The following PEPD variants were observed in gnomAD, a reference collection of about 807,000 sequenced individuals.
The protein encoded by PEPD is peptidase D, also known as xaa-Pro dipeptidase.
In PEPD, 53 loss-of-function variants were observed where a neutral mutation model predicts 60.7. The ratio of observed to expected loss-of-function variants is 0.87; its 90% CI spans 0.70 to 1.10. The LOEUF is 1.10. PEPD is among the 50% of genes least tolerant of loss of function. The pLI is 0.00. For missense variants in PEPD, 711 were observed against 711.9 expected (o/e 1.00, Z 0.01); for synonymous variants, 267 against 284.1 (o/e 0.94, Z 0.60).
Position 33,401,874 on chromosome 19 carries a change from GGA to G in PEPD, c.819-7_819-6del. The G allele has an allele frequency of 6.2e-7, 1 of 1,612,786 alleles. No individual in the cohort carries two copies. On this transcript the variant is annotated splice_region_variant and splice_polypyrimidine_tract_variant and intron_variant, in intron 11 of 14. Transcript: ENST00000244137. ...TCACCGCCCATGTCGAACAGGCTGC[GGA>G]GAGAGGAAGGCAGGGCAAGTGGGTA...
chr19:33,512,798 C>A, intron 1 of PEPD, 22 bp from the exon 2 acceptor site: 1 of 1,613,348 alleles, frequency 6.2e-7, no homozygotes, highest in Non-Finnish European at 8.5e-7. Flanking sequence ...AGAGCACACA[C>A]CGCCACACAG....
chr19:33,484,430 G>A (rs1214402974), intron 6 of PEPD, among the ~76,000 whole-genome samples: 1 of 152,124 alleles, frequency 6.6e-6, no homozygotes, highest in East Asian at 1.9e-4. Flanking sequence ...TCAGCACATA[G>A]ACACAGATGC....
chr19:33,407,766 C>A (rs1391041079), intron 11 of PEPD, among the ~76,000 whole-genome samples: 1 of 152,216 alleles, frequency 6.6e-6, no homozygotes, highest in Non-Finnish European at 1.5e-5. Context: ...ACTCTGAGAA[C>A]AACAGCAAAA....
chr19:33,487,836 G>T (rs1369149209), intron 6 of PEPD, among the ~76,000 whole-genome samples: 2 of 152,120 alleles, frequency 1.3e-5, no homozygotes, highest in African/African-American at 4.8e-5. Context: ...GGACTGGGGG[G>T]CAACAGGTGA....
At chr19:33,427,252 G>A (rs1368832767) in intron 9 of PEPD, among the ~76,000 whole-genome samples, 1 of 152,204 alleles carries the variant, frequency 6.6e-6, no homozygotes, top group Non-Finnish European at 1.5e-5. Flanking sequence ...GGCGGAGGCT[G>A]TCGTGGCTCA....
At chr19:33,507,520 C>T (rs984320849) in intron 3 of PEPD, among the ~76,000 whole-genome samples, 3 of 152,182 alleles carry the variant, frequency 2.0e-5, no homozygotes, top group African/African-American at 7.2e-5. Context: ...CAGGAAGCGG[C>T]AGATCCTGCA....
At chr19:33,482,734 A>G (rs971549916) in intron 6 of PEPD, among the ~76,000 whole-genome samples, 1 of 152,248 alleles carries the variant, frequency 6.6e-6, no homozygotes, top group African/African-American at 2.4e-5. Context: ...CATTACTCAG[A>G]ACAGCCAAAA....
At chr19:33,465,340 G>A (rs1424363284) in intron 7 of PEPD, among the ~76,000 whole-genome samples, 1 of 152,108 alleles carries the variant, frequency 6.6e-6, no homozygotes, top group African/African-American at 2.4e-5. Context: ...GCAGGCAAAC[G>A]CAGCTTCCCT....
At chr19:33,515,108 G>C (rs1445017189) in intron 1 of PEPD, among the ~76,000 whole-genome samples, 2 of 152,320 alleles carry the variant, frequency 1.3e-5, no homozygotes, top group South Asian at 2.1e-4. Flanking sequence ...GGTTGCCTCG[G>C]TCACTGCCGT....
intron 9 of PEPD, among the ~76,000 whole-genome samples, chr19:33,414,660 C>T (rs1292008756): frequency 6.6e-5 from 10 of 151,914 alleles, no homozygotes; most frequent in African/African-American, 4.8e-5. Flanking sequence ...CTGCCCTGCA[C>T]GTTCCAGGCC....
chr19:33,515,536 C>T (rs1327785938), intron 1 of PEPD, among the ~76,000 whole-genome samples: 1 of 152,130 alleles, frequency 6.6e-6, no homozygotes, highest in Non-Finnish European at 1.5e-5. Flanking sequence ...GTCACCAGCA[C>T]CTTGTGCTCG....
chr19:33,425,004 C>T (rs2145386609), intron 9 of PEPD, among the ~76,000 whole-genome samples: 1 of 150,778 alleles, frequency 6.6e-6, no homozygotes, highest in Middle Eastern at 3.4e-3. Context: ...AAACAAACAA[C>T]AACAACAATA....
intron 9 of PEPD, among the ~76,000 whole-genome samples, chr19:33,459,643 G>A (rs1969889956): frequency 6.6e-6 from 1 of 151,590 alleles, no homozygotes; most frequent in African/African-American, 2.4e-5. Flanking sequence ...CATGAGGGAG[G>A]AGTCTTCATA....
chr19:33,429,688 C>G (rs1160813770), intron 9 of PEPD, among the ~76,000 whole-genome samples: 2 of 152,070 alleles, frequency 1.3e-5, no homozygotes, highest in African/African-American at 4.8e-5. Context: ...AGGAAAGGAC[C>G]AACATGACAA....
chr19:33,467,993 G>A (rs76425706), intron 7 of PEPD, among the ~76,000 whole-genome samples: 6 of 152,294 alleles, frequency 3.9e-5, no homozygotes, highest in African/African-American at 1.4e-4. Flanking sequence ...GATACAGCGC[G>A]AGTAAACACA....
intron 12 of PEPD, among the ~76,000 whole-genome samples, chr19:33,398,174 C>T (rs1271900613): frequency 6.6e-6 from 1 of 152,256 alleles, no homozygotes; most frequent in Admixed American, 6.5e-5. Flanking sequence ...CTCTGGCACC[C>T]TGATGGGCCC....
chr19:33,491,706 A>G lies in PEPD; in HGVS notation c.441+1584T>C, dbSNP rs529373972. 8.1e-4 allele frequency among the ~76,000 whole-genome samples: 123 copies of G among 152,282 alleles called. 1 individual carries two copies. The highest frequency in any genetic ancestry group is 2.8e-3 in the African/African-American group (115 of 41,536). On this transcript the variant is annotated intron_variant, in intron 5 of 14. Transcript: ENST00000244137. ...TTGGCTAGCAACTTAGAACTTTTTA[A>G]AAGAGGCAAAGGTAGAGGGGGAGAA...
At chr19:33,457,529 T>C (rs1005577662) in intron 9 of PEPD, among the ~76,000 whole-genome samples, 7 of 152,184 alleles carry the variant, frequency 4.6e-5, no homozygotes, top group Non-Finnish European at 1.0e-4. Context: ...TCTTTTTTAT[T>C]TACTTATTTT....
chr19:33,480,730 G>T (rs1234410901), intron 6 of PEPD, among the ~76,000 whole-genome samples: 1 of 152,176 alleles, frequency 6.6e-6, no homozygotes, highest in African/African-American at 2.4e-5. Flanking sequence ...AGGAGGCGGA[G>T]ATTGCAGTGA....
Sources: allele counts gnomAD v4.1 joint callset (sites outside exome capture counted in the v4.1 genomes callset), GRCh38; gene constraint gnomAD v4.1.1; transcripts MANE v1.5; gene names NCBI Gene and HGNC (gene_info 2026-07-23, HGNC 2026-07-21).